The following PIGT variants were observed in gnomAD, a reference collection of about 807,000 sequenced individuals.
PIGT encodes the protein phosphatidylinositol glycan anchor biosynthesis class T.
In PIGT, 57 loss-of-function variants were observed where a neutral mutation model predicts 66.7. That is an observed-to-expected ratio of 0.86 (90% CI 0.69 to 1.07). The LOEUF (loss-of-function observed/expected upper bound fraction) is 1.07. Ranked by LOEUF, PIGT falls within the 50% of genes least tolerant of loss-of-function variation. The pLI is 0.00. For missense variants in PIGT, 725 were observed against 740.4 expected (o/e 0.98, Z 0.24); for synonymous variants, 362 against 320.5 (o/e 1.13, Z -1.38).
At chr20:45,419,471 A>G in intron 4 of PIGT, 33 bp from the exon 5 acceptor site, 1 of 1,613,494 alleles carries the variant, frequency 6.2e-7, no homozygotes, top group Non-Finnish European at 8.5e-7. Context: ...TGCTCCATAC[A>G]GGGCTTCTCT....
chr20:45,425,538 G>A (rs2743282), intron 11 of PIGT, 36 bp from the exon 12 acceptor site: 1 of 1,602,514 alleles, frequency 6.2e-7, no homozygotes, highest in Admixed American at 1.7e-5. Context: ...GGGAGGAGCA[G>A]CCAGTCCTGT....
chr20:45,419,426 G>A (rs746342605), intron 4 of PIGT, 31 bp downstream of exon 4: 13 of 1,493,680 alleles, frequency 8.7e-6, no homozygotes, highest in Middle Eastern at 1.7e-4. Flanking sequence ...AGCCGGGGGC[G>A]GGGGGTGTAT....
chr20:45,424,488 CT>C lies in PIGT; in HGVS notation c.1401-7del. 1 of 1,614,154 alleles carries C rather than the reference CT, an allele frequency of 6.2e-7. No individual in the cohort carries two copies. Reference sequence around the variant, plus strand: ...GGGAACACGGGCCATCTCTCTGCTTCTCTGTAGCCCATCTGTCCTCAGCGCC... The same window carrying C: ...GGGAACACGGGCCATCTCTCTGCTTCCTGTAGCCCATCTGTCCTCAGCGCC... On this transcript the variant is annotated splice_polypyrimidine_tract_variant and splice_region_variant and intron_variant, in intron 10 of 11. Transcript: ENST00000279036.
At position 45,424,502 on chromosome 20, in the gene PIGT, T is replaced by C. The variant is rs1990587546; in HGVS notation, c.1407T>C (p.Ser469=). The change falls in exon 11 of 12, where the codon TCT becomes TCC. Residue 469 remains serine, a synonymous_variant. Coordinates refer to ENST00000279036, the MANE Select transcript of PIGT (RefSeq NM_015937.6). The part of the protein sequence containing the change: ...DPNHGFYVSP[S]VLSALVPSMV... ...TCTCTCTGCTTCTCTGTAGCCCATCTGTCCTCAGCGCCCTTGTGCCCAGCA... is the reference window on the plus strand; with the variant it reads ...TCTCTCTGCTTCTCTGTAGCCCATCCGTCCTCAGCGCCCTTGTGCCCAGCA... The C allele has an allele frequency of 6.2e-7, 1 of 1,614,108 alleles. No individual in the cohort carries two copies. Among genetic ancestry groups the C allele is most frequent in the Admixed American group, 1.7e-5 (1 of 60,010 alleles).
intron 1 of PIGT, 25 bp from the exon 2 acceptor site, chr20:45,416,492 C>T: frequency 6.2e-7 from 1 of 1,609,132 alleles, no homozygotes; most frequent in South Asian, 1.1e-5. Flanking sequence ...TGGGGATCGT[C>T]ACTCACCTGC....
At position 45,425,797 on chromosome 20, in the gene PIGT, C is replaced by A. The variant is rs747706718; in HGVS notation, c.1708C>A (p.Arg570=). The change falls in exon 12 of 12, where the codon CGG becomes AGG. Residue 570 remains arginine, a synonymous_variant. Coordinates refer to ENST00000279036, the MANE Select transcript of PIGT (RefSeq NM_015937.6). ...GGCCAAGCGGCTGGCCAACCTTATC[C>A]GGCGCGCCCGAGGTGTCCCCCCACT... is the stretch of plus-strand genomic sequence containing the variant. ...GLAKRLANLI[R]RARGVPPL is the part of the protein sequence containing the mutation. 6.2e-7 allele frequency: 1 copy of A among 1,613,864 alleles called. No homozygotes were observed. The highest frequency in any genetic ancestry group is 8.5e-7 in the Non-Finnish European group (1 of 1,179,890).
At chr20:45,420,042 A>C in intron 5 of PIGT, 94 bp from the exon 6 acceptor site, 2 of 865,828 alleles carry the variant, frequency 2.3e-6, no homozygotes, top group South Asian at 3.0e-5. Flanking sequence ...GTGAAGATAC[A>C]TAGATGAGGG....
At chr20:45,424,421 C>G (rs1298311183) in intron 10 of PIGT, 40 bp downstream of exon 10, 2 of 1,613,596 alleles carry the variant, frequency 1.2e-6, no homozygotes, top group Non-Finnish European at 1.7e-6. Context: ...ATCCCCCTGA[C>G]CTACCCTTTC....
Position 45,416,170 on chromosome 20 carries a change from T to C in PIGT, c.14T>C (p.Met5Thr), listed in dbSNP as rs781053056. The C allele has an allele frequency of 1.7e-5, 27 of 1,571,082 alleles. No homozygotes were observed. Among genetic ancestry groups the C allele is most frequent in the African/African-American group, 4.1e-5 (3 of 73,814 alleles). Residue 5 changes from methionine to threonine, a missense_variant, in exon 1 of 12, where the codon ATG becomes ACG. By Grantham distance (81) the Met-to-Thr change is moderately conservative. Coordinates refer to ENST00000279036, the MANE Select transcript of PIGT (RefSeq NM_015937.6). MAAA[M>T]PLALLVLLLL... ...GTAGCCGCAGGCATGGCGGCGGCTA[T>C]GCCGCTTGCTCTGCTCGTCCTGTTG...
intron 5 of PIGT, 129 bp downstream of exon 5, chr20:45,419,719 C>A: frequency 1.4e-6 from 1 of 720,628 alleles, no homozygotes; most frequent in Non-Finnish European, 2.5e-6. Context: ...TTATTCAGGG[C>A]ATTGGCCAAG....
chr20:45,424,916 C>G (rs1262511493), intron 11 of PIGT: 2 of 333,744 alleles, frequency 6.0e-6, no homozygotes, highest in African/African-American at 4.2e-5. Flanking sequence ...GCCCTGGCCT[C>G]CCTTTGCTTA....
rs2145455251 is a variant in PIGT, at chr20:45,421,485, G to A, written c.1136G>A (p.Arg379Gln). 4 of 1,614,104 alleles carry A rather than the reference G, an allele frequency of 2.5e-6. No individual in the cohort carries two copies. The highest frequency in any genetic ancestry group is 1.1e-5 in the South Asian group (1 of 91,080). Reference protein sequence around the residue: ...STLLYNTHPYRAFPVLLLDTV... With the variant: ...STLLYNTHPYQAFPVLLLDTV... ...CTGCTGTACAACACCCACCCATACC[G>A]GGCCTTCCCGGTGCTGCTGCTGGAC... Residue 379 changes from arginine (R) to glutamine (Q), a missense_variant, in exon 9 of 12, where the codon CGG (arginine) becomes CAG (glutamine). Around this residue, in one of 3 missense-constraint regions of PIGT, gnomAD observed 559 missense variants for 552.7 expected, o/e 1.01. Coordinates refer to ENST00000279036, the MANE Select transcript of PIGT (RefSeq NM_015937.6).
At position 45,416,212 on chromosome 20, in the gene PIGT, G is replaced by A; in HGVS notation, c.56G>A (p.Gly19Asp). The A allele has an allele frequency of 6.3e-7, 1 of 1,594,000 alleles. No individual in the cohort carries two copies. Among genetic ancestry groups the A allele is most frequent in the Non-Finnish European group, 8.5e-7 (1 of 1,171,180 alleles). ...LLVLLLLGPG[G>D]WCLAEPPRDS... ...GTCCTGTTGCTCCTGGGGCCCGGCG[G>A]CTGGTGCCTTGCAGAACCCCCACGC... The change falls in exon 1 of 12, where the codon GGC (glycine) becomes GAC (aspartate). Residue 19 changes from glycine to aspartate, a missense_variant. Coordinates refer to ENST00000279036, the MANE Select transcript of PIGT (RefSeq NM_015937.6).
At chr20:45,425,123 CTCTCTCTTTCTTTCTTTCTCTT>C (rs1406304407) in intron 11 of PIGT, 1 of 107,904 alleles carries the variant, frequency 9.3e-6, no homozygotes, top group Non-Finnish European at 2.1e-5. Context: ...TCTTTCCTTT[CTCTCTCTTTCTTTCTTTCTCTT>C]TCTTTCTTTC....
chr20:45,421,207 C>T (rs1342803022), intron 8 of PIGT, 176 bp from the exon 9 acceptor site: 8 of 609,614 alleles, frequency 1.3e-5, no homozygotes, highest in East Asian at 2.8e-5. Flanking sequence ...TTGTCATCAT[C>T]GCTTGTTGGC....
rs781001584 is a variant in PIGT, at chr20:45,419,402, C to T, written c.594+7C>T. On this transcript the variant is annotated splice_region_variant and intron_variant, in intron 4 of 11. Transcript: ENST00000279036. ...CTTGCCCTGTAGTTCCAAGGTGAGG[C>T]CGCAGAGCCTGGCAGCCGGGGGCGG... The T allele has an allele frequency of 6.2e-7, 1 of 1,607,910 alleles. No homozygotes were observed. The highest frequency in any genetic ancestry group is 1.7e-5 in the Admixed American group (1 of 59,112).
intron 5 of PIGT, chr20:45,419,810 C>T (rs1048324719): frequency 2.3e-5 from 14 of 601,254 alleles, no homozygotes; most frequent in Non-Finnish European, 2.4e-5. Flanking sequence ...AATAGCTATG[C>T]GGGTGCAATT....
intron 3 of PIGT, 124 bp downstream of exon 3, chr20:45,419,103 G>T (rs761155919): frequency 3.1e-6 from 4 of 1,287,634 alleles, no homozygotes; most frequent in Non-Finnish European, 4.4e-6. Context: ...GTGTGTGCAG[G>T]CCCCCAATAC....
At chr20:45,421,297 G>C in intron 8 of PIGT, 86 bp from the exon 9 acceptor site, 1 of 1,185,412 alleles carries the variant, frequency 8.4e-7, no homozygotes, top group Non-Finnish European at 1.2e-6. Flanking sequence ...TCACTGGCTT[G>C]GGACTCTGAA....
Sources: gnomAD v4.1 joint callset for allele counts on GRCh38, gnomAD v4.1.1 for gene constraint, gnomAD v4.1.1 regional missense constraint, MANE v1.5 for transcripts, NCBI Gene and HGNC (gene_info 2026-07-23, HGNC 2026-07-21) for gene names.